Variants in POU6F2 observed in about 807,000 individuals in gnomAD.
POU6F2 encodes POU class 6 homeobox 2, also known as POU domain, class 6, transcription factor 2.
A neutral mutation model predicts 71.3 loss-of-function variants in POU6F2; 31 were observed. The ratio of observed to expected loss-of-function variants is 0.43; its 90% CI spans 0.33 to 0.59. The LOEUF (loss-of-function observed/expected upper bound fraction) is 0.59, where lower values mean the gene tolerates loss of function less well. Ranked by LOEUF, POU6F2 falls within the 20% of genes least tolerant of loss-of-function variation. The probability of loss-of-function intolerance (pLI) is 0.04; values close to 1 mark genes in which losing one functional copy is unlikely to be tolerated. For missense variants in POU6F2, 783 were observed against 856.8 expected (o/e 0.91, Z 1.07); for synonymous variants, 347 against 355.7 (o/e 0.98, Z 0.27).
At chr7:39,276,037 C>T (rs1393230591) in intron 4 of POU6F2, among the ~76,000 whole-genome samples, 1 of 152,060 alleles carries the variant, frequency 6.6e-6, no homozygotes, top group Non-Finnish European at 1.5e-5. Flanking sequence ...GCAACAAAAG[C>T]CAAAATTGAC....
intron 2 of POU6F2, among the ~76,000 whole-genome samples, chr7:39,134,793 C>A (rs368353251): frequency 6.6e-6 from 1 of 152,178 alleles, no homozygotes; most frequent in South Asian, 2.1e-4. Flanking sequence ...AGTCTCTGTT[C>A]CGGAGATTCT....
intron 5 of POU6F2, 32 bp from the exon 6 acceptor site, chr7:39,406,568 G>A (rs769103198): frequency 5.0e-6 from 8 of 1,607,550 alleles, no homozygotes; most frequent in Non-Finnish European, 6.8e-6. Context: ...GCCTCTCGGT[G>A]GTTTTCACGG....
intron 5 of POU6F2, among the ~76,000 whole-genome samples, chr7:39,396,340 C>T (rs1171429851): frequency 6.6e-6 from 1 of 152,194 alleles, no homozygotes; most frequent in Admixed American, 6.5e-5. Context: ...GGAGAGCTTT[C>T]TAAGAGTTTG....
intron 2 of POU6F2, among the ~76,000 whole-genome samples, chr7:39,179,345 G>T (rs1793390192): frequency 6.6e-6 from 1 of 152,126 alleles, no homozygotes; most frequent in Admixed American, 6.5e-5. Flanking sequence ...TACCTCCCAG[G>T]GCCTTGCTTT....
chr7:38,979,188 T>A (rs1788253078), intron 1 of POU6F2, among the ~76,000 whole-genome samples: 1 of 116,248 alleles, frequency 8.6e-6, no homozygotes, highest in Non-Finnish European at 1.8e-5. Context: ...TCACGAATAT[T>A]TATAAACTCC....
chr7:39,353,120 C>A (rs550972824), intron 5 of POU6F2, among the ~76,000 whole-genome samples: 22 of 152,350 alleles, frequency 1.4e-4, no homozygotes, highest in African/African-American at 3.8e-4. Flanking sequence ...ACCTAGGAAC[C>A]CAGGCACAGC....
chr7:39,041,638 A>G (rs1445999690), intron 1 of POU6F2, among the ~76,000 whole-genome samples: 1 of 151,812 alleles, frequency 6.6e-6, no homozygotes, highest in Non-Finnish European at 1.5e-5. Context: ...TGGATACTAC[A>G]TTTTTGTTAC....
chr7:39,244,839 G>C (rs1336431571), intron 4 of POU6F2, among the ~76,000 whole-genome samples: 1 of 152,118 alleles, frequency 6.6e-6, no homozygotes, highest in African/African-American at 2.4e-5. Context: ...CTTCACAGCT[G>C]CCCCTTACCC....
rs199568007 is a variant in POU6F2, at chr7:39,009,112, G to A, written c.105+31054G>A. ...GCATTGAATCTGTAAATTACCTTGG[G>A]CAGTATGGTCATTTTCACGATATTG... On this transcript the variant is annotated intron_variant, in intron 1 of 9. Coordinates refer to ENST00000518318, the MANE Select transcript of POU6F2 (RefSeq NM_001370959.1). 4.5e-3 allele frequency among the ~76,000 whole-genome samples: 678 copies of A among 152,152 alleles called. 9 individuals carry two copies. Among genetic ancestry groups the A allele is most frequent in the South Asian group, 0.036 (174 of 4,804 alleles).
chr7:39,383,520 G>T (rs762836969), intron 5 of POU6F2, among the ~76,000 whole-genome samples: 1 of 152,180 alleles, frequency 6.6e-6, no homozygotes, highest in Non-Finnish European at 1.5e-5. Context: ...ATCCAGTGGT[G>T]TAAACTCTTC....
intron 1 of POU6F2, among the ~76,000 whole-genome samples, chr7:39,039,241 A>T (rs1790128035): frequency 6.6e-6 from 1 of 152,020 alleles, no homozygotes; most frequent in South Asian, 2.1e-4. Flanking sequence ...AATGGCAGAT[A>T]CAAGAGGTTA....
At chr7:39,221,638 C>T (rs543197170) in intron 4 of POU6F2, among the ~76,000 whole-genome samples, 6 of 152,182 alleles carry the variant, frequency 3.9e-5, no homozygotes, top group South Asian at 2.1e-4. Flanking sequence ...CCACTCACCT[C>T]GGCCTTCCAA....
At chr7:39,230,047 A>G (rs1466482923) in intron 4 of POU6F2, among the ~76,000 whole-genome samples, 1 of 152,234 alleles carries the variant, frequency 6.6e-6, no homozygotes, top group African/African-American at 2.4e-5. Flanking sequence ...TAATAAAACT[A>G]GGAAGCAGTG....
chr7:39,069,623 C>G (rs1000889841), intron 1 of POU6F2, among the ~76,000 whole-genome samples: 1 of 151,962 alleles, frequency 6.6e-6, no homozygotes. Flanking sequence ...TGACCAAAAG[C>G]CTTACCAATA....
chr7:39,204,624 C>G (rs1040563794), intron 3 of POU6F2, among the ~76,000 whole-genome samples: 3 of 151,306 alleles, frequency 2.0e-5, no homozygotes, highest in African/African-American at 7.3e-5. Context: ...CGTGCAGTTT[C>G]CTGGAAAGTA....
At chr7:39,117,694 A>G (rs1791959977) in intron 2 of POU6F2, among the ~76,000 whole-genome samples, 1 of 152,166 alleles carries the variant, frequency 6.6e-6, no homozygotes, top group African/African-American at 2.4e-5. Context: ...TGAGGCACCT[A>G]GTACCTCTGC....
intron 1 of POU6F2, among the ~76,000 whole-genome samples, chr7:39,060,019 C>A (rs75170997): frequency 0.11 from 16,331 of 152,042 alleles, 949 homozygotes; most frequent in Middle Eastern, 0.16. Flanking sequence ...ACCAGCCTGG[C>A]CAAGATGGTG....
Position 39,219,643 on chromosome 7 carries a change from G to T in POU6F2, c.598+12023G>T, listed in dbSNP as rs74904877. On this transcript the variant is annotated intron_variant, in intron 4 of 9. Transcript: ENST00000518318. ...CAAACGTAATCTCTGAAAAATACTTGGCTCCACGTTAACCTTTTACTTTGG... is the reference window on the plus strand; with the variant it reads ...CAAACGTAATCTCTGAAAAATACTTTGCTCCACGTTAACCTTTTACTTTGG... 4.2e-3 allele frequency among the ~76,000 whole-genome samples: 634 copies of T among 152,138 alleles called. 5 individuals carry two copies. Among genetic ancestry groups the T allele is most frequent in the African/African-American group, 0.015 (614 of 41,512 alleles).
chr7:39,038,653 C>T (rs1562681261), intron 1 of POU6F2, among the ~76,000 whole-genome samples: 1 of 151,852 alleles, frequency 6.6e-6, no homozygotes, highest in Non-Finnish European at 1.5e-5. Flanking sequence ...CTTGTGTATC[C>T]CTTTAAAAAC....
Sources: allele counts gnomAD v4.1 joint callset (sites outside exome capture counted in the v4.1 genomes callset), GRCh38; gene constraint gnomAD v4.1.1; transcripts MANE v1.5; gene names NCBI Gene and HGNC (gene_info 2026-07-23, HGNC 2026-07-21).